The following PBRM1 variants were observed in gnomAD, a reference collection of about 807,000 sequenced individuals.
PBRM1 encodes the protein polybromo 1.
In PBRM1, 27 loss-of-function variants were observed where a neutral mutation model predicts 194.5. The ratio of observed to expected loss-of-function variants is 0.14; its 90% CI spans 0.10 to 0.19. PBRM1 has a LOEUF of 0.19. PBRM1 is among the 10% of genes least tolerant of loss of function. PBRM1 has a pLI of 1.00. For synonymous variants in PBRM1, 655 were observed against 693.2 expected, an observed-to-expected ratio of 0.94 and a Z score of 0.87; for missense variants, 1,466 against 2,077.2, an observed-to-expected ratio of 0.71 and a Z score of 5.72.
intron 22 of PBRM1, 63 bp downstream of exon 24, chr3:52,576,477 GA>G (rs2089638770): frequency 1.6e-6 from 2 of 1,283,684 alleles, no homozygotes; most frequent in Non-Finnish European, 1.1e-6. Context: ...GTGCCCCACA[GA>G]AGTAGTATTC....
chr3:52,631,302 C>T (rs2153615085), intron 11 of PBRM1, among the ~76,000 whole-genome samples: 1 of 149,384 alleles, frequency 6.7e-6, no homozygotes, highest in South Asian at 2.1e-4. Flanking sequence ...AAAACCCTTT[C>T]TCTATTAAAA....
chr3:52,588,683 T>C (rs1425587619), intron 18 of PBRM1, among the ~76,000 whole-genome samples: 3 of 151,318 alleles, frequency 2.0e-5, no homozygotes, highest in Non-Finnish European at 4.4e-5. Context: ...GCCTCCCGAG[T>C]AGCTGGGACT....
chr3:52,685,084 C>T lies in PBRM1; in HGVS notation c.-13+665G>A, dbSNP rs139558750. Among the ~76,000 whole-genome samples the T allele has an allele frequency of 2.0e-3, 310 of 152,302 alleles. 1 individual carries two copies. Among genetic ancestry groups the T allele is most frequent in the African/African-American group, 6.8e-3 (284 of 41,568 alleles). On this transcript the variant is annotated intron_variant, in intron 1 of 29. Coordinates refer to the PBRM1 transcript ENST00000394830. ...AATTAAAACAATTCACCCCAACATA[C>T]GCTTCTATAATTATTGTAAGAATTT...
chr3:52,587,564 A>C, intron 18 of PBRM1, 54 bp from the exon 21 acceptor site: 4 of 1,232,434 alleles, frequency 3.2e-6, no homozygotes, highest in Non-Finnish European at 4.4e-6. Flanking sequence ...TTGTTAACAG[A>C]AATCACTTTT....
At chr3:52,681,554 T>G (rs2097205407), upstream of PBRM1, 2 of 179,086 alleles carry the variant, frequency 1.1e-5, no homozygotes, top group Admixed American at 6.5e-5. Context: ...TTTTAAACAA[T>G]CTATGACAAA....
At chr3:52,571,323 C>CAAA (rs34396226) in intron 22 of PBRM1, among the ~76,000 whole-genome samples, 25 of 88,360 alleles carry the variant, frequency 2.8e-4, no homozygotes, top group African/African-American at 9.3e-4. Context: ...ACACTGTCTC[C>CAAA]AAAAAAAAAA....
At chr3:52,632,166 A>G (rs914647511) in intron 11 of PBRM1, among the ~76,000 whole-genome samples, 1 of 152,218 alleles carries the variant, frequency 6.6e-6, no homozygotes, top group Non-Finnish European at 1.5e-5. Context: ...CTATTTAAAA[A>G]TAAATTAAAA....
intron 5 of PBRM1, among the ~76,000 whole-genome samples, chr3:52,655,881 C>T (rs1387686109): frequency 6.6e-6 from 1 of 152,216 alleles, no homozygotes; most frequent in Admixed American, 6.5e-5. Context: ...GACCACCCAG[C>T]ATGGGGTACA....
chr3:52,637,181 T>TA (rs996341857), intron 10 of PBRM1, among the ~76,000 whole-genome samples: 1 of 152,186 alleles, frequency 6.6e-6, no homozygotes, highest in Non-Finnish European at 1.5e-5. Flanking sequence ...CGGCATCTTT[T>TA]AAAAAAACTG....
At position 52,675,837 on chromosome 3, in the gene PBRM1, C is replaced by T. The variant is rs372751318; in HGVS notation, c.236+2663G>A. ...CACATATAAAGAATGAAGCGGGGGC[C>T]GGGCGCGGTGGCTCACGCCTGTAAT... On this transcript the variant is annotated intron_variant, in intron 2 of 29. Transcript: ENST00000296302. Among the ~76,000 whole-genome samples, 172 of 119,032 alleles carry T rather than the reference C, an allele frequency of 1.4e-3. 47 individuals carry two copies. Among genetic ancestry groups the T allele is most frequent in the African/African-American group, 4.5e-3 (134 of 29,614 alleles). The allele number at this position is 119,032 out of a possible 152,430, so 78.1% of individuals were successfully genotyped here. A position where few individuals can be genotyped will look rare whatever the true frequency, so the allele number is the denominator to read the frequency against.
chr3:52,564,222 C>G, exon 23 of PBRM1: 1 of 1,611,520 alleles, frequency 6.2e-7, no homozygotes, highest in Non-Finnish European at 8.5e-7. Flanking sequence ...AATGACAACA[C>G]AGCACACTTT....
At chr3:52,570,772 TATG>T (rs1403799073) in intron 22 of PBRM1, among the ~76,000 whole-genome samples, 1 of 152,250 alleles carries the variant, frequency 6.6e-6, no homozygotes, top group South Asian at 2.1e-4. Context: ...CAGCTATAAA[TATG>T]ATGGATAACT....
intron 13 of PBRM1, among the ~76,000 whole-genome samples, chr3:52,623,211 C>G (rs2095338132): frequency 6.6e-6 from 1 of 152,116 alleles, no homozygotes; most frequent in Non-Finnish European, 1.5e-5. Flanking sequence ...TCACATGAGC[C>G]CAGGAGTTTG....
At chr3:52,579,229 G>A (rs2153688052) in intron 20 of PBRM1, 30 bp from the exon 23 acceptor site, 3 of 1,601,338 alleles carry the variant, frequency 1.9e-6, no homozygotes, top group Non-Finnish European at 2.6e-6. Context: ...CTGAAGAAAG[G>A]TAGTTGATAA....
exon 1 of PBRM1, chr3:52,685,828 A>C: frequency 1.4e-5 from 6 of 440,152 alleles, no homozygotes; most frequent in East Asian, 9.2e-5. Flanking sequence ...GGCTGCTGCT[A>C]TTGCTCCTCC....
At chr3:52,674,627 C>CAAAAAA (rs869059650) in intron 2 of PBRM1, among the ~76,000 whole-genome samples, 22 of 109,078 alleles carry the variant, frequency 2.0e-4, no homozygotes, top group African/African-American at 8.1e-4. Flanking sequence ...CTGTCTCTAC[C>CAAAAAA]AAAAAAAAAA....
At chr3:52,664,591 C>T (rs1274132405) in intron 3 of PBRM1, among the ~76,000 whole-genome samples, 3 of 151,384 alleles carry the variant, frequency 2.0e-5, no homozygotes, top group South Asian at 2.1e-4. Context: ...AAAAATTAGC[C>T]GGGCATGGTG....
Position 52,609,438 on chromosome 3 carries a change from A to G in PBRM1, c.2442T>C (p.Phe814=). 17 of 1,614,042 alleles carry G rather than the reference A, an allele frequency of 1.1e-5. No individual in the cohort carries two copies. Among genetic ancestry groups the G allele is most frequent in the Non-Finnish European group, 1.2e-5 (14 of 1,179,964 alleles). ...CAAATGTAAGGGGTGGTTTGTTAGG[A>G]AAGTTGGGATCCACAGCAGGAATTT... is the stretch of plus-strand genomic sequence containing the variant. The change falls in exon 16 of 30, where the codon TTT becomes TTC. Residue 814 remains phenylalanine, a synonymous_variant. Coordinates refer to ENST00000296302, the Ensembl canonical transcript of PBRM1. The surrounding 1 kb of genome is among the most constrained non-coding windows in gnomAD (Gnocchi z 4.1).
chr3:52,677,527 C>T (rs905740847), intron 2 of PBRM1, among the ~76,000 whole-genome samples: 14 of 151,960 alleles, frequency 9.2e-5, no homozygotes, highest in Non-Finnish European at 1.9e-4. Flanking sequence ...ATTCTCCTGC[C>T]TCAGTCTCCC....
Sources: allele counts gnomAD v4.1 joint callset (sites outside exome capture counted in the v4.1 genomes callset), GRCh38; gene constraint gnomAD v4.1.1; non-coding constraint Gnocchi (gnomAD v3.1); transcripts MANE v1.5; gene names NCBI Gene and HGNC (gene_info 2026-07-23, HGNC 2026-07-21).